The following VSNL1 variants were observed in gnomAD, a reference collection of about 807,000 sequenced individuals.
VSNL1 encodes the protein visinin like 1.
VSNL1 carries 6 observed loss-of-function variants against 20.4 expected under a neutral mutation model. The ratio of observed to expected loss-of-function variants is 0.29; its 90% CI spans 0.16 to 0.58. VSNL1 has a LOEUF of 0.58. Ranked by LOEUF, VSNL1 falls within the 20% of genes least tolerant of loss-of-function variation. The pLI is 0.90. For missense variants in VSNL1, 100 were observed against 234.5 expected (o/e 0.43, Z 3.75); for synonymous variants, 93 against 86.4 (o/e 1.08, Z -0.42).
At chr2:17,620,869 A>T (rs971925435) in intron 2 of VSNL1, among the ~76,000 whole-genome samples, 2 of 152,222 alleles carry the variant, frequency 1.3e-5, no homozygotes, top group Admixed American at 1.3e-4. Context: ...AAACCTCTCA[A>T]TTTAAACTCA....
chr2:17,586,362 C>T (rs1450958243), intron 1 of VSNL1, among the ~76,000 whole-genome samples: 3 of 152,170 alleles, frequency 2.0e-5, no homozygotes, highest in African/African-American at 7.2e-5. Flanking sequence ...ACCCACTAAG[C>T]TGTATTTTTA....
At chr2:17,559,071 T>C (rs1663751787) in intron 1 of VSNL1, among the ~76,000 whole-genome samples, 1 of 152,028 alleles carries the variant, frequency 6.6e-6, no homozygotes, top group Non-Finnish European at 1.5e-5. Context: ...AGCAGGTGGC[T>C]TGCACCTCAT....
At chr2:17,563,728 CA>C (rs1008588214) in intron 1 of VSNL1, among the ~76,000 whole-genome samples, 107 of 146,948 alleles carry the variant, frequency 7.3e-4, no homozygotes, top group African/African-American at 2.4e-3. Flanking sequence ...GACTCTGTCT[CA>C]AAAAAAAGAA....
intron 1 of VSNL1, among the ~76,000 whole-genome samples, chr2:17,549,300 A>C (rs139219922): frequency 6.6e-6 from 1 of 152,328 alleles, no homozygotes; most frequent in Non-Finnish European, 1.5e-5. Context: ...TGTTTGTAGA[A>C]GTGTGCACTA....
chr2:17,562,508 C>T (rs1372876782), intron 1 of VSNL1, among the ~76,000 whole-genome samples: 1 of 152,098 alleles, frequency 6.6e-6, no homozygotes, highest in African/African-American at 2.4e-5. Context: ...AGCATTTGGT[C>T]CCTAATGATG....
chr2:17,643,831 C>T (rs116795760), intron 2 of VSNL1, among the ~76,000 whole-genome samples: 2,347 of 152,260 alleles, frequency 0.015, 32 homozygotes, highest in Non-Finnish European at 0.026. Flanking sequence ...AGCAGCAGCA[C>T]GGCAATGGTC....
chr2:17,648,943 C>A (rs1183344098), intron 2 of VSNL1, among the ~76,000 whole-genome samples: 1 of 152,232 alleles, frequency 6.6e-6, no homozygotes, highest in Non-Finnish European at 1.5e-5. Flanking sequence ...AGGACGAGGG[C>A]TGGTGGCAGG....
intron 2 of VSNL1, among the ~76,000 whole-genome samples, chr2:17,621,544 G>A (rs1285825447): frequency 2.0e-5 from 3 of 152,090 alleles, no homozygotes; most frequent in Non-Finnish European, 2.9e-5. Flanking sequence ...GGCTGGTCTC[G>A]AACTCCTGAC....
At chr2:17,576,945 A>T (rs189370874) in intron 1 of VSNL1, among the ~76,000 whole-genome samples, 1 of 152,356 alleles carries the variant, frequency 6.6e-6, no homozygotes, top group East Asian at 1.9e-4. Flanking sequence ...TCACTTAATG[A>T]CAGAAACATG....
chr2:17,588,983 AT>A (rs113563002), intron 1 of VSNL1, among the ~76,000 whole-genome samples: 6 of 152,332 alleles, frequency 3.9e-5, no homozygotes, highest in African/African-American at 1.4e-4. Context: ...TCAAGAAACC[AT>A]AATAACAATC....
chr2:17,638,368 C>G lies in VSNL1; in HGVS notation c.163-11042C>G, dbSNP rs528116506. Reference sequence around the variant, plus strand: ...TAAGTGTTACAAAGTTTAATTAAACCAGTGTCTTTTTTCAAGTGTAATGTT... The same window carrying G: ...TAAGTGTTACAAAGTTTAATTAAACGAGTGTCTTTTTTCAAGTGTAATGTT... On this transcript the variant is annotated intron_variant, in intron 2 of 3. Coordinates refer to ENST00000295156, the MANE Select transcript of VSNL1 (RefSeq NM_003385.5). Among the ~76,000 whole-genome samples the G allele has an allele frequency of 3.3e-5, 5 of 152,264 alleles. No individual in the cohort carries two copies. The South Asian group carries it at 1.0e-3, about 32-fold the overall frequency.
At chr2:17,578,956 T>G (rs1664283257) in intron 1 of VSNL1, among the ~76,000 whole-genome samples, 1 of 152,162 alleles carries the variant, frequency 6.6e-6, no homozygotes, top group African/African-American at 2.4e-5. Context: ...TGGTTGTGCT[T>G]CTCCTTCTAC....
At chr2:17,591,627 A>G (rs1664595269) in intron 1 of VSNL1, among the ~76,000 whole-genome samples, 1 of 152,192 alleles carries the variant, frequency 6.6e-6, no homozygotes, top group African/African-American at 2.4e-5. Flanking sequence ...CTTACTGATC[A>G]TTTAGTTATA....
intron 1 of VSNL1, among the ~76,000 whole-genome samples, chr2:17,588,550 G>C (rs567652559): frequency 7.4e-4 from 112 of 152,278 alleles, no homozygotes; most frequent in African/African-American, 2.6e-3. Context: ...ATACTGCTTG[G>C]CCCATATCAC....
At chr2:17,637,855 C>G (rs1172323646) in intron 2 of VSNL1, among the ~76,000 whole-genome samples, 1 of 152,240 alleles carries the variant, frequency 6.6e-6, no homozygotes, top group African/African-American at 2.4e-5. Context: ...CAACCACAGA[C>G]AGAATGACCT....
At chr2:17,621,200 T>A (rs1665346744) in intron 2 of VSNL1, among the ~76,000 whole-genome samples, 1 of 151,944 alleles carries the variant, frequency 6.6e-6, no homozygotes, top group African/African-American at 2.4e-5. Flanking sequence ...AAATCAACAG[T>A]TTCTTCCTTC....
intron 1 of VSNL1, among the ~76,000 whole-genome samples, chr2:17,581,145 G>A (rs533959307): frequency 6.6e-6 from 1 of 152,060 alleles, no homozygotes; most frequent in Non-Finnish European, 1.5e-5. Context: ...TATTCCTAAA[G>A]TGCTGCTTAT....
intron 1 of VSNL1, among the ~76,000 whole-genome samples, chr2:17,543,355 C>A (rs542552089): frequency 9.6e-4 from 146 of 152,338 alleles, no homozygotes; most frequent in Non-Finnish European, 1.8e-3. Context: ...CCCCAAAATC[C>A]TTCAGGGAAT....
In VSNL1 at chr2:17,588,743, A is replaced by G. The variant is rs976108410; in HGVS notation, c.-5-3327A>G. ...TGAAGACAATCTCCAGGAGGGCTGA[A>G]TATTTTCCATGCAGTTAAATGAAAT... On this transcript the variant is annotated intron_variant, in intron 1 of 3. Coordinates refer to ENST00000295156, the MANE Select transcript of VSNL1 (RefSeq NM_003385.5). Among the ~76,000 whole-genome samples the G allele has an allele frequency of 2.0e-5, 3 of 152,228 alleles. No individual in the cohort carries two copies. In the East Asian group the frequency reaches 5.8e-4, roughly 29 times the overall value.
Sources: gnomAD v4.1 joint callset for allele counts (sites outside exome capture counted in the v4.1 genomes callset) on GRCh38, gnomAD v4.1.1 for gene constraint, MANE v1.5 for transcripts, NCBI Gene and HGNC (gene_info 2026-07-23, HGNC 2026-07-21) for gene names.